HDGFL2: variants seen among roughly 807,000 people sequenced by gnomAD.
The protein encoded by HDGFL2 is hepatoma-derived growth factor-related protein 2.
A neutral mutation model predicts 77.1 loss-of-function variants in HDGFL2; 36 were observed. The ratio of observed to expected loss-of-function variants is 0.47; its 90% CI spans 0.36 to 0.62. HDGFL2 has a LOEUF of 0.62. HDGFL2 is among the 20% of genes least tolerant of loss of function. HDGFL2 has a pLI of 0.00. For missense variants in HDGFL2, 976 were observed against 973.4 expected (o/e 1.00, Z -0.04); for synonymous variants, 463 against 413.1 (o/e 1.12, Z -1.46).
At chr19:4,498,520 A>G (rs933982993) in intron 12 of HDGFL2, 144 bp downstream of exon 12, 12 of 691,412 alleles carry the variant, frequency 1.7e-5, no homozygotes, top group Admixed American at 7.1e-5. Flanking sequence ...TAGTGAGCGC[A>G]TGGGGTCTCC....
intron 15 of HDGFL2, 177 bp downstream of exon 15, chr19:4,501,494 G>T: frequency 1.5e-6 from 1 of 683,416 alleles, no homozygotes; most frequent in East Asian, 3.4e-5. Context: ...TGGCACTTCC[G>T]GCGGCCCCTA....
chr19:4,492,011 C>G (rs548684971), intron 6 of HDGFL2, among the ~76,000 whole-genome samples, 176 bp downstream of exon 6: 2 of 152,308 alleles, frequency 1.3e-5, no homozygotes, highest in East Asian at 1.9e-4. Flanking sequence ...CGCACTGCCT[C>G]CAGGAGCCCA....
chr19:4,488,844 A>G lies in HDGFL2; in HGVS notation c.457A>G (p.Ser153Gly). 1 of 1,551,502 alleles carries G rather than the reference A, an allele frequency of 6.4e-7. No individual in the cohort carries two copies. Among genetic ancestry groups the G allele is most frequent in the Non-Finnish European group, 8.7e-7 (1 of 1,146,990 alleles). ...DSDSDKSSDNSGLKRKTPALK... is the reference protein window; with the variant it reads ...DSDSDKSSDNGGLKRKTPALK... The stretch of plus-strand genomic sequence containing the variant: ...AGACTCAGACAAGAGTAGCGACAAC[A>G]GTGGCCTGAAGAGGAAGACGCCTGC... Residue 153 changes from serine to glycine, a missense_variant, in exon 4 of 16, where the codon AGT becomes GGT. Transcript: ENST00000616600.
In HDGFL2 at chr19:4,472,301, G is replaced by T. The variant is rs1479755102; in HGVS notation, c.-50G>T. 2.2e-6 allele frequency: 3 copies of T among 1,383,788 alleles called. No individual in the cohort carries two copies. Among genetic ancestry groups the T allele is most frequent in the African/African-American group, 1.5e-5 (1 of 65,960 alleles). The allele number at this position is 1,383,788 out of a possible 1,614,324, so 85.7% of individuals were successfully genotyped here. On this transcript the variant is annotated 5_prime_UTR_variant, in exon 1 of 16. Coordinates refer to ENST00000616600, the MANE Select transcript of HDGFL2 (RefSeq NM_001001520.3). ...TGCCGCCGCCGCCGCCGCCGCAGCC[G>T]CTACCGCCGCTGCAGCCGCTTTCCG...
In HDGFL2 at chr19:4,494,329, G is replaced by T. The variant is rs1975640955; in HGVS notation, c.1078G>T (p.Gly360Trp). ...GCGGAGGCGCGAGCGGGCCGACCGC[G>T]GGGAGGCTGAGCGGGGCAGCGGCGG... is the stretch of plus-strand genomic sequence containing the variant. ...KERRRERADRGEAERGSGGSS... is the reference protein window; with the variant it reads ...KERRRERADRWEAERGSGGSS... Residue 360 changes from glycine to tryptophan, a missense_variant, in exon 9 of 16, where the codon GGG (glycine) becomes TGG (tryptophan). Physicochemically the swap from Gly to Trp is radical, Grantham distance 184. Coordinates refer to ENST00000616600, the MANE Select transcript of HDGFL2 (RefSeq NM_001001520.3). The T allele has an allele frequency of 2.1e-6, 3 of 1,419,406 alleles. No homozygotes were observed. The African/African-American group carries it at 4.6e-5, about 22-fold the overall frequency. The allele number at this position is 1,419,406 out of a possible 1,614,324, so 87.9% of individuals were successfully genotyped here.
rs1296190400 is a variant in HDGFL2 at position 4,502,064 on chromosome 19, C to T, written c.*54C>T. 1.6e-6 allele frequency: 2 copies of T among 1,255,446 alleles called. No individual in the cohort carries two copies. Among genetic ancestry groups the T allele is most frequent in the South Asian group, 1.3e-5 (1 of 78,256 alleles). The allele number at this position is 1,255,446 out of a possible 1,614,324, so 77.8% of individuals were successfully genotyped here. ...CCGAGCTCAGGCTGCCCCTCTCCTT[C>T]CCCGGCTCGCAGGAGAGCAGAGCAG... On this transcript the variant is annotated 3_prime_UTR_variant, in exon 16 of 16. Coordinates refer to ENST00000616600, the MANE Select transcript of HDGFL2 (RefSeq NM_001001520.3).
chr19:4,494,015 A>C lies in HDGFL2; in HGVS notation c.872A>C (p.Lys291Thr), dbSNP rs1187427202. The C allele has an allele frequency of 2.5e-6, 4 of 1,611,918 alleles. No individual in the cohort carries two copies. Among genetic ancestry groups the C allele is most frequent in the Non-Finnish European group, 3.4e-6 (4 of 1,179,456 alleles). The stretch of plus-strand genomic sequence containing the variant: ...CCTCTCCCGAAGCCGCGAGGGCGGA[A>C]ACCGAAGCCTGAACGGCCTCCGTCC... ...EKPLPKPRGR[K>T]PKPERPPSSS... Residue 291 changes from lysine (K) to threonine (T), a missense_variant, in exon 8 of 16, where the codon AAA becomes ACA. Coordinates refer to ENST00000616600, the MANE Select transcript of HDGFL2 (RefSeq NM_001001520.3).
At chr19:4,496,830 C>T (rs990180981) in intron 10 of HDGFL2, 15 of 386,862 alleles carry the variant, frequency 3.9e-5, no homozygotes, top group Admixed American at 1.3e-4. Context: ...GCATCTTGGT[C>T]CCCCTGTGGT....
At chr19:4,474,099 G>T (rs1402358772) in intron 1 of HDGFL2, among the ~76,000 whole-genome samples, 3 of 152,056 alleles carry the variant, frequency 2.0e-5, no homozygotes. Context: ...GGGACCCCAG[G>T]CTATTGTCAT....
chr19:4,501,540 C>G, intron 15 of HDGFL2: 2 of 516,876 alleles, frequency 3.9e-6, no homozygotes, highest in South Asian at 6.0e-5. Flanking sequence ...GCTGCCTGCC[C>G]CTGGCCTCCT....
At chr19:4,490,859 TGGAGTGTGATGGCGC>T (rs2145190780) in intron 4 of HDGFL2, among the ~76,000 whole-genome samples, 1 of 151,808 alleles carries the variant, frequency 6.6e-6, no homozygotes, top group Admixed American at 6.6e-5. Flanking sequence ...TCACCCAGGC[TGGAGTGTGATGGCGC>T]AATCTCGGCT....
Position 4,496,327 on chromosome 19 carries a change from A to T in HDGFL2, c.1250A>T (p.Gln417Leu). The T allele has an allele frequency of 6.2e-7, 1 of 1,614,144 alleles. No individual in the cohort carries two copies. The highest frequency in any genetic ancestry group is 1.1e-5 in the South Asian group (1 of 91,086). Residue 417 changes from glutamine (Q) to leucine (L), a missense_variant, in exon 10 of 16, where the codon CAG (glutamine) becomes CTG (leucine). By Grantham distance (113) the Gln-to-Leu change is moderately radical. Transcript: ENST00000616600. ...REAKKSAKKP[Q>L]SSSTEPARKP... The stretch of plus-strand genomic sequence containing the variant: ...GCCAAGAAATCAGCGAAGAAGCCGC[A>T]GTCCTCAAGCACAGAGCCCGCCAGG...
chr19:4,488,312 G>A (rs1003312506), intron 3 of HDGFL2, among the ~76,000 whole-genome samples: 3 of 152,230 alleles, frequency 2.0e-5, no homozygotes, highest in Non-Finnish European at 4.4e-5. Flanking sequence ...TCTCGGCACT[G>A]TCTTAGGTGC....
intron 1 of HDGFL2, among the ~76,000 whole-genome samples, chr19:4,474,037 G>T (rs1049751163): frequency 4.6e-5 from 7 of 152,078 alleles, no homozygotes; most frequent in Non-Finnish European, 1.0e-4. Flanking sequence ...GGAGTCCCAG[G>T]TGTGGAGGGG....
At chr19:4,487,747 T>C (rs1011092318) in intron 3 of HDGFL2, among the ~76,000 whole-genome samples, 6 of 152,160 alleles carry the variant, frequency 3.9e-5, no homozygotes, top group Admixed American at 3.9e-4. Context: ...TCATGACTGC[T>C]CAGCAAACGT....
intron 1 of HDGFL2, chr19:4,475,037 C>T: frequency 1.9e-6 from 1 of 534,024 alleles, no homozygotes. Flanking sequence ...TCAGGTGGAG[C>T]ACCTGCCCTG....
chr19:4,490,030 C>T (rs983922231), intron 4 of HDGFL2, among the ~76,000 whole-genome samples: 2 of 152,192 alleles, frequency 1.3e-5, no homozygotes, highest in East Asian at 3.8e-4. Flanking sequence ...CTTCCTTCAC[C>T]AAGCGTGACG....
At chr19:4,486,052 CA>C (rs548919228) in intron 3 of HDGFL2, among the ~76,000 whole-genome samples, 2,793 of 74,928 alleles carry the variant, frequency 0.037, 68 homozygotes, top group African/African-American at 0.12. Flanking sequence ...GACCCCGTCT[CA>C]AAAAAAAAAA....
In HDGFL2 at chr19:4,472,299, C is replaced by A. The variant is rs1205198931; in HGVS notation, c.-52C>A. On this transcript the variant is annotated 5_prime_UTR_variant, in exon 1 of 16. Transcript: ENST00000616600. Reference sequence around the variant, plus strand: ...GCTGCCGCCGCCGCCGCCGCCGCAGCCGCTACCGCCGCTGCAGCCGCTTTC... The same window carrying A: ...GCTGCCGCCGCCGCCGCCGCCGCAGACGCTACCGCCGCTGCAGCCGCTTTC... The A allele has an allele frequency of 7.3e-7, 1 of 1,366,700 alleles. No individual in the cohort carries two copies. The highest frequency in any genetic ancestry group is 9.6e-7 in the Non-Finnish European group (1 of 1,042,020). The allele number at this position is 1,366,700 out of a possible 1,614,324, so 84.7% of individuals were successfully genotyped here. A position where few individuals can be genotyped will look rare whatever the true frequency, so the allele number is the denominator to read the frequency against.
Sources: gnomAD v4.1 joint callset for allele counts (sites outside exome capture counted in the v4.1 genomes callset) on GRCh38, gnomAD v4.1.1 for gene constraint, MANE v1.5 for transcripts, NCBI Gene and HGNC (gene_info 2026-07-23, HGNC 2026-07-21) for gene names.